Variants in SLCO3A1 observed in about 807,000 individuals in gnomAD.
SLCO3A1 encodes PGE1 transporter.
A neutral mutation model predicts 63.1 loss-of-function variants in SLCO3A1; 27 were observed. The observed-to-expected ratio is 0.43, with a 90% CI of 0.32 to 0.59. The LOEUF is 0.59. Ranked by LOEUF, SLCO3A1 falls within the 20% of genes least tolerant of loss-of-function variation. The pLI is 0.09. For missense variants in SLCO3A1, 773 were observed against 945.8 expected (o/e 0.82, Z 2.40); for synonymous variants, 473 against 409.9 (o/e 1.15, Z -1.86).
At chr15:92,023,571 C>T (rs769261258) in intron 2 of SLCO3A1, among the ~76,000 whole-genome samples, 7 of 151,922 alleles carry the variant, frequency 4.6e-5, no homozygotes, top group East Asian at 1.9e-4. Context: ...CGGGTTCAGG[C>T]GATTATCCTG....
At chr15:92,017,023 A>T (rs1203358926) in intron 2 of SLCO3A1, among the ~76,000 whole-genome samples, 1 of 152,180 alleles carries the variant, frequency 6.6e-6, no homozygotes, top group African/African-American at 2.4e-5. Context: ...TCAGCTACTC[A>T]ACACCCACTT....
intron 2 of SLCO3A1, among the ~76,000 whole-genome samples, chr15:92,052,385 TTCA>T (rs1170554976): frequency 1.3e-5 from 2 of 152,154 alleles, no homozygotes; most frequent in East Asian, 3.8e-4. Context: ...CATATGAATG[TTCA>T]TTATTATGAC....
chr15:92,009,750 A>G (rs962081554), intron 2 of SLCO3A1, among the ~76,000 whole-genome samples: 12 of 152,228 alleles, frequency 7.9e-5, no homozygotes, highest in African/African-American at 2.2e-4. Context: ...GTTAGCTACT[A>G]TCAGTGTGGA....
chr15:91,927,909 G>A (rs1031950355), intron 2 of SLCO3A1, among the ~76,000 whole-genome samples: 16 of 152,090 alleles, frequency 1.1e-4, no homozygotes, highest in Admixed American at 3.3e-4. Flanking sequence ...AAATCATTTC[G>A]CCAACCCTGG....
intron 1 of SLCO3A1, among the ~76,000 whole-genome samples, chr15:91,904,108 G>A (rs1898231653): frequency 7.0e-6 from 1 of 143,574 alleles, no homozygotes; most frequent in Non-Finnish European, 1.5e-5. Context: ...CACAGCACAT[G>A]CCCTCACTTC....
intron 3 of SLCO3A1, among the ~76,000 whole-genome samples, chr15:92,098,472 T>G (rs1003841436): frequency 4.6e-5 from 7 of 152,224 alleles, no homozygotes; most frequent in Non-Finnish European, 1.0e-4. Context: ...AATTTCTTTT[T>G]TAGGTTCTTT....
At chr15:92,048,193 C>T (rs2046913459) in intron 2 of SLCO3A1, among the ~76,000 whole-genome samples, 1 of 152,132 alleles carries the variant, frequency 6.6e-6, no homozygotes, top group African/African-American at 2.4e-5. Flanking sequence ...GTAGCACCCA[C>T]ATTTTACTAT....
At chr15:91,982,407 A>G (rs529426708) in intron 2 of SLCO3A1, among the ~76,000 whole-genome samples, 5 of 152,368 alleles carry the variant, frequency 3.3e-5, no homozygotes, top group African/African-American at 9.6e-5. Flanking sequence ...TGCATTTGCT[A>G]TAAGAGCTAA....
chr15:92,041,024 C>G (rs1243764187), intron 2 of SLCO3A1, among the ~76,000 whole-genome samples: 1 of 152,142 alleles, frequency 6.6e-6, no homozygotes, highest in Non-Finnish European at 1.5e-5. Context: ...CTCAGACTTT[C>G]TGCCTCCTTC....
intron 2 of SLCO3A1, among the ~76,000 whole-genome samples, chr15:91,939,182 G>T (rs1194339278): frequency 6.6e-6 from 1 of 152,184 alleles, no homozygotes; most frequent in Non-Finnish European, 1.5e-5. Flanking sequence ...AATCATGGTA[G>T]AAGGGAAAGG....
intron 2 of SLCO3A1, among the ~76,000 whole-genome samples, chr15:91,923,299 T>C (rs188296340): frequency 1.3e-5 from 2 of 152,332 alleles, no homozygotes; most frequent in East Asian, 3.9e-4. Flanking sequence ...CTGAACTGTT[T>C]AAACGCAGGA....
At chr15:92,170,092 A>G (rs913158157), downstream of SLCO3A1, among the ~76,000 whole-genome samples, 2 of 152,226 alleles carry the variant, frequency 1.3e-5, no homozygotes, top group Admixed American at 1.3e-4. Context: ...GACACTTACC[A>G]TCCCATTCAT....
intron 2 of SLCO3A1, among the ~76,000 whole-genome samples, chr15:92,053,422 G>A (rs1049983034): frequency 1.3e-5 from 2 of 152,152 alleles, no homozygotes; most frequent in Admixed American, 1.3e-4. Context: ...CACAACCGAT[G>A]ACCAGTATCA....
At chr15:91,880,159 A>G (rs1385249587) in intron 1 of SLCO3A1, among the ~76,000 whole-genome samples, 1 of 144,280 alleles carries the variant, frequency 6.9e-6, no homozygotes, top group Non-Finnish European at 1.5e-5. Context: ...CCATCCATCC[A>G]TCCATCCATC....
intron 7 of SLCO3A1, among the ~76,000 whole-genome samples, chr15:92,145,244 G>A (rs898918127): frequency 6.6e-6 from 1 of 152,198 alleles, no homozygotes; most frequent in Admixed American, 6.5e-5. Context: ...AAAAGGAAAT[G>A]CAGGTGGTGA....
At chr15:92,027,617 A>G (rs2046591582) in intron 2 of SLCO3A1, among the ~76,000 whole-genome samples, 1 of 152,198 alleles carries the variant, frequency 6.6e-6, no homozygotes. Context: ...CGCATGCATT[A>G]AAGGATTGAC....
intron 2 of SLCO3A1, among the ~76,000 whole-genome samples, chr15:91,972,635 C>T (rs542496880): frequency 4.6e-5 from 7 of 152,288 alleles, no homozygotes; most frequent in East Asian, 1.9e-4. Context: ...ACCAGGGAAA[C>T]GTGCTGACCG....
Position 91,939,791 on chromosome 15 carries a change from C to G in SLCO3A1, c.646+23333C>G, listed in dbSNP as rs143371314. ...CAGGACCTCTACGCTGCTATAAAGA[C>G]ATCAGCAGCCCCCGTAGCTCACAGG... On this transcript the variant is annotated intron_variant, in intron 2 of 9. Coordinates refer to ENST00000318445, the MANE Select transcript of SLCO3A1 (RefSeq NM_013272.4). Among the ~76,000 whole-genome samples, 479 of 152,308 alleles carry G rather than the reference C, an allele frequency of 3.1e-3. 2 individuals carry two copies. Among genetic ancestry groups the G allele is most frequent in the African/African-American group, 0.011 (467 of 41,560 alleles).
At chr15:92,002,443 T>C (rs1176073461) in intron 2 of SLCO3A1, among the ~76,000 whole-genome samples, 2 of 152,174 alleles carry the variant, frequency 1.3e-5, no homozygotes, top group Non-Finnish European at 2.9e-5. Flanking sequence ...TTCTTACAAG[T>C]CCATAAGGCC....
Sources: gnomAD v4.1 joint callset for allele counts (sites outside exome capture counted in the v4.1 genomes callset) on GRCh38, gnomAD v4.1.1 for gene constraint, MANE v1.5 for transcripts, NCBI Gene and HGNC (gene_info 2026-07-23, HGNC 2026-07-21) for gene names.